Variants in BTBD9 observed in about 807,000 individuals in gnomAD.
The protein encoded by BTBD9 is BTB domain containing 9.
A neutral mutation model predicts 64.3 loss-of-function variants in BTBD9; 49 were observed. The observed-to-expected ratio is 0.76, with a 90% CI of 0.61 to 0.97. The LOEUF (loss-of-function observed/expected upper bound fraction) is 0.97, where lower values mean the gene tolerates loss of function less well. BTBD9 is among the 50% of genes least tolerant of loss of function. The pLI is 0.00. For synonymous variants in BTBD9, 260 were observed against 274.7 expected, an observed-to-expected ratio of 0.95 and a Z score of 0.53; for missense variants, 598 against 762.1, an observed-to-expected ratio of 0.78 and a Z score of 2.53.
intron 6 of BTBD9, among the ~76,000 whole-genome samples, chr6:38,487,135 T>C (rs1771473426): frequency 6.6e-6 from 1 of 152,228 alleles, no homozygotes; most frequent in African/African-American, 2.4e-5. Flanking sequence ...CAATTTAAAA[T>C]AGTCCTGTGT....
At chr6:38,200,472 A>C (rs1762420659) in intron 9 of BTBD9, among the ~76,000 whole-genome samples, 2 of 152,212 alleles carry the variant, frequency 1.3e-5, no homozygotes, top group Non-Finnish European at 2.9e-5. Flanking sequence ...GGATCAATGA[A>C]ATGGAAAATT....
intron 6 of BTBD9, among the ~76,000 whole-genome samples, chr6:38,368,371 G>C (rs1765273465): frequency 6.6e-6 from 1 of 152,022 alleles, no homozygotes; most frequent in Non-Finnish European, 1.5e-5. Context: ...GTCTTGCTCT[G>C]TTGCCCAGGC....
intron 6 of BTBD9, among the ~76,000 whole-genome samples, chr6:38,365,409 T>C (rs1765145906): frequency 6.6e-6 from 1 of 152,136 alleles, no homozygotes. Context: ...ACATTGCTGG[T>C]ACCATCCATA....
At chr6:38,552,657 C>T (rs1774860153) in intron 6 of BTBD9, among the ~76,000 whole-genome samples, 1 of 151,418 alleles carries the variant, frequency 6.6e-6, no homozygotes, top group African/African-American at 2.4e-5. Context: ...ATCCTAGCTA[C>T]TCGGGAGGCT....
chr6:38,275,192 C>T (rs1353653717), intron 8 of BTBD9, among the ~76,000 whole-genome samples: 2 of 152,088 alleles, frequency 1.3e-5, no homozygotes, highest in Non-Finnish European at 1.5e-5. Context: ...GATATAACGC[C>T]ACATATCTAC....
chr6:38,485,135 C>T (rs1771337627), intron 6 of BTBD9, among the ~76,000 whole-genome samples: 1 of 152,178 alleles, frequency 6.6e-6, no homozygotes. Context: ...TGCATCTTCA[C>T]CAGGAGTAGA....
intron 6 of BTBD9, among the ~76,000 whole-genome samples, chr6:38,479,214 T>C (rs1470098395): frequency 2.0e-5 from 3 of 152,070 alleles, no homozygotes; most frequent in African/African-American, 2.4e-5. Flanking sequence ...AGGCGCCCAA[T>C]GTGGAGCACA....
chr6:38,244,115 G>A (rs1764101798), intron 9 of BTBD9, among the ~76,000 whole-genome samples: 1 of 152,154 alleles, frequency 6.6e-6, no homozygotes, highest in Admixed American at 6.5e-5. Context: ...CCAACAAATA[G>A]GCTCTACTTT....
intron 1 of BTBD9, among the ~76,000 whole-genome samples, chr6:38,639,293 A>C (rs768447558): frequency 6.6e-6 from 1 of 152,174 alleles, no homozygotes; most frequent in Non-Finnish European, 1.5e-5. Flanking sequence ...CGCCCTCCCA[A>C]GGTCGTGGGT....
At chr6:38,238,726 G>A (rs1763883836) in intron 9 of BTBD9, among the ~76,000 whole-genome samples, 2 of 152,116 alleles carry the variant, frequency 1.3e-5, no homozygotes, top group South Asian at 4.2e-4. Flanking sequence ...GCCCACCTCG[G>A]CCTCCCAAAG....
In BTBD9 at chr6:38,579,621, T is replaced by A. The variant is rs527493626; in HGVS notation, c.1034+597A>T. Among the ~76,000 whole-genome samples, 13 of 152,352 alleles carry A rather than the reference T, an allele frequency of 8.5e-5. No homozygotes were observed. The South Asian group carries it at 2.7e-3, about 32-fold the overall frequency. On this transcript the variant is annotated intron_variant, in intron 5 of 10. Coordinates refer to ENST00000481247, the MANE Select transcript of BTBD9 (RefSeq NM_001099272.2). The stretch of plus-strand genomic sequence containing the variant: ...TTTTGTTTTGAGGATAATACTTATC[T>A]ACACACTAAAAGACATTATTTCTCT...
At chr6:38,211,259 C>A (rs1292087869) in intron 9 of BTBD9, among the ~76,000 whole-genome samples, 1 of 152,020 alleles carries the variant, frequency 6.6e-6, no homozygotes, top group Non-Finnish European at 1.5e-5. Context: ...GAAACCCCGT[C>A]TCTTCTAAAA....
At chr6:38,243,861 T>G (rs1764093484) in intron 9 of BTBD9, among the ~76,000 whole-genome samples, 1 of 152,110 alleles carries the variant, frequency 6.6e-6, no homozygotes, top group African/African-American at 2.4e-5. Context: ...ACCCCTGAAT[T>G]CATAAAAATG....
At chr6:38,596,223 G>C (rs905844098) in intron 2 of BTBD9, among the ~76,000 whole-genome samples, 2 of 152,190 alleles carry the variant, frequency 1.3e-5, no homozygotes, top group Non-Finnish European at 2.9e-5. Context: ...TTAGCTCTAA[G>C]ATAGTCTAAG....
At chr6:38,260,742 C>T (rs919399778) in intron 8 of BTBD9, among the ~76,000 whole-genome samples, 1 of 152,116 alleles carries the variant, frequency 6.6e-6, no homozygotes, top group African/African-American at 2.4e-5. Context: ...AAAACATATA[C>T]ACACAGTGCA....
rs185504698 is a variant in BTBD9 at position 38,303,534 on chromosome 6, G to A, written c.1265-15073C>T. Among the ~76,000 whole-genome samples, 203 of 151,972 alleles carry A rather than the reference G, an allele frequency of 1.3e-3. 1 individual carries two copies. The highest frequency in any genetic ancestry group is 4.7e-3 in the African/African-American group (197 of 41,480). ...ATTATGTTGAATGCTGATATCCTCT[G>A]TAGACAGCTTGGTCTCACCAGTTGT... On this transcript the variant is annotated intron_variant, in intron 7 of 10. Transcript: ENST00000481247.
intron 9 of BTBD9, among the ~76,000 whole-genome samples, chr6:38,248,608 C>T (rs1272882314): frequency 2.0e-5 from 3 of 152,080 alleles, no homozygotes; most frequent in Non-Finnish European, 2.9e-5. Flanking sequence ...GCCAAGCACA[C>T]GAAAGGTAAG....
chr6:38,374,088 T>A (rs1397097308), intron 6 of BTBD9, among the ~76,000 whole-genome samples: 1 of 150,572 alleles, frequency 6.6e-6, no homozygotes, highest in Admixed American at 6.6e-5. Context: ...CTGGCCAACA[T>A]GGTGAAACCC....
intron 9 of BTBD9, among the ~76,000 whole-genome samples, chr6:38,256,149 G>A (rs553294492): frequency 7.9e-5 from 12 of 151,832 alleles, no homozygotes; most frequent in African/African-American, 1.5e-4. Context: ...AAGTTTTTTC[G>A]CTATTTAGGC....
Sources: allele counts gnomAD v4.1 joint callset (sites outside exome capture counted in the v4.1 genomes callset), GRCh38; gene constraint gnomAD v4.1.1; transcripts MANE v1.5; gene names NCBI Gene and HGNC (gene_info 2026-07-23, HGNC 2026-07-21).